The following DIAPH3 variants were observed in gnomAD, a reference collection of about 807,000 sequenced individuals.
The protein encoded by DIAPH3 is protein diaphanous homolog 3.
In DIAPH3, 117 loss-of-function variants were observed where a neutral mutation model predicts 144.3. The ratio of observed to expected loss-of-function variants is 0.81; its 90% CI spans 0.70 to 0.95. The LOEUF is 0.95. Ranked by LOEUF, DIAPH3 falls within the 40% of genes least tolerant of loss-of-function variation. The pLI, the probability that DIAPH3 is intolerant of heterozygous loss-of-function variation, is 0.00. For missense variants in DIAPH3, 1,421 were observed against 1,412.7 expected (o/e 1.01, Z -0.09); for synonymous variants, 519 against 488.9 (o/e 1.06, Z -0.81).
intron 3 of DIAPH3, among the ~76,000 whole-genome samples, chr13:60,107,851 T>C (rs1016363491): frequency 3.9e-5 from 6 of 152,196 alleles, no homozygotes; most frequent in African/African-American, 1.2e-4. Flanking sequence ...TTTGGTATCA[T>C]TGGAACTCAT....
chr13:59,896,584 G>A (rs893045127), intron 20 of DIAPH3, among the ~76,000 whole-genome samples: 1 of 151,922 alleles, frequency 6.6e-6, no homozygotes, highest in East Asian at 1.9e-4. Context: ...TTTTTGGTGG[G>A]GGAGGCGGGG....
At chr13:59,864,568 G>A (rs576891920) in intron 21 of DIAPH3, among the ~76,000 whole-genome samples, 4 of 152,104 alleles carry the variant, frequency 2.6e-5, no homozygotes, top group African/African-American at 7.2e-5. Context: ...TAGGATTAAC[G>A]TATCAAGAAA....
chr13:59,839,177 A>G (rs2042203551), intron 23 of DIAPH3, 147 bp downstream of exon 23: 2 of 815,036 alleles, frequency 2.5e-6, no homozygotes, highest in Non-Finnish European at 3.9e-6. Context: ...CACTTTGATA[A>G]ATTTCCCTGC....
chr13:60,089,397 A>G (rs947438358), intron 4 of DIAPH3, among the ~76,000 whole-genome samples: 1 of 152,222 alleles, frequency 6.6e-6, no homozygotes, highest in Admixed American at 6.5e-5. Flanking sequence ...AAGAATGAGA[A>G]CTATACTCAA....
At chr13:60,023,672 C>T (rs565088663) in intron 5 of DIAPH3, among the ~76,000 whole-genome samples, 2 of 151,920 alleles carry the variant, frequency 1.3e-5, no homozygotes, top group South Asian at 2.1e-4. Context: ...GACCTCAAGA[C>T]ACCCAACCGC....
At chr13:59,963,270 A>G (rs1231839184) in intron 17 of DIAPH3, among the ~76,000 whole-genome samples, 1 of 152,184 alleles carries the variant, frequency 6.6e-6, no homozygotes, top group African/African-American at 2.4e-5. Flanking sequence ...CTTGAGGGAC[A>G]AGAACAGCTT....
chr13:59,891,946 T>C (rs2045826216), intron 20 of DIAPH3, among the ~76,000 whole-genome samples: 1 of 152,006 alleles, frequency 6.6e-6, no homozygotes, highest in Non-Finnish European at 1.5e-5. Flanking sequence ...GTGTATCAAA[T>C]ATTTATTGAA....
intron 22 of DIAPH3, among the ~76,000 whole-genome samples, chr13:59,844,632 C>T (rs976108065): frequency 6.6e-6 from 1 of 152,044 alleles, no homozygotes; most frequent in Admixed American, 6.5e-5. Context: ...TTTTATCTTT[C>T]AATCTTCTCA....
chr13:59,775,388 G>A (rs1217999429), intron 25 of DIAPH3, among the ~76,000 whole-genome samples: 1 of 151,910 alleles, frequency 6.6e-6, no homozygotes, highest in Non-Finnish European at 1.5e-5. Flanking sequence ...GACTACAGGC[G>A]CCTGCCACCA....
intron 1 of DIAPH3, among the ~76,000 whole-genome samples, chr13:60,135,745 G>A (rs193145885): frequency 3.3e-5 from 5 of 152,260 alleles, no homozygotes; most frequent in Non-Finnish European, 5.9e-5. Context: ...GCTTGCTGAA[G>A]AATAGAGATT....
At chr13:60,156,569 A>G (rs9528063) in intron 1 of DIAPH3, among the ~76,000 whole-genome samples, 95,843 of 151,768 alleles carry the variant, frequency 0.63, 30,708 homozygotes, top group Admixed American at 0.72. Context: ...GTCAACTCCA[A>G]TCTTCCTTCA....
intron 9 of DIAPH3, among the ~76,000 whole-genome samples, chr13:60,005,674 G>A (rs2052816940): frequency 6.6e-6 from 1 of 151,894 alleles, no homozygotes; most frequent in Admixed American, 6.6e-5. Flanking sequence ...GTAGAGACGG[G>A]GTTTCACCAT....
intron 17 of DIAPH3, among the ~76,000 whole-genome samples, chr13:59,942,811 G>C (rs1389450900): frequency 1.3e-5 from 2 of 151,828 alleles, no homozygotes; most frequent in Admixed American, 6.6e-5. Flanking sequence ...CATTTTACTT[G>C]TTTCACAAAG....
At chr13:59,820,564 G>A (rs2041016140) in intron 24 of DIAPH3, among the ~76,000 whole-genome samples, 1 of 151,596 alleles carries the variant, frequency 6.6e-6, no homozygotes, top group Admixed American at 6.6e-5. Flanking sequence ...GCCCAATAAT[G>A]CAATTAACAT....
intron 24 of DIAPH3, among the ~76,000 whole-genome samples, chr13:59,814,689 T>C (rs1424865479): frequency 1.3e-5 from 2 of 152,212 alleles, no homozygotes; most frequent in Non-Finnish European, 2.9e-5. Flanking sequence ...CTATAAGACA[T>C]TGATTTTTTA....
At chr13:60,015,680 G>T (rs1347773021) in intron 7 of DIAPH3, among the ~76,000 whole-genome samples, 1 of 151,972 alleles carries the variant, frequency 6.6e-6, no homozygotes, top group Admixed American at 6.6e-5. Context: ...AGGGAGGAAA[G>T]GGTGGGGAGA....
Position 59,916,251 on chromosome 13 carries a change from T to C in DIAPH3, c.2171-2A>G. ...CCCGAAAAGAGCTCAGGAAGATTGC[T>C]AAGAAGGAGAAAGAGAGAAAGGTTT... On this transcript the variant is annotated splice_acceptor_variant, in intron 18 of 27. Transcript: ENST00000400324. LOFTEE classifies it high-confidence loss of function. The C allele has an allele frequency of 6.2e-7, 1 of 1,610,924 alleles. No individual in the cohort carries two copies. Among genetic ancestry groups the C allele is most frequent in the Non-Finnish European group, 8.5e-7 (1 of 1,177,418 alleles).
chr13:60,107,651 A>G (rs150140150), intron 3 of DIAPH3, among the ~76,000 whole-genome samples: 1 of 152,176 alleles, frequency 6.6e-6, no homozygotes, highest in Non-Finnish European at 1.5e-5. Flanking sequence ...TTAAGAGATG[A>G]CGATGGCATT....
chr13:59,956,260 C>T (rs2049394249), intron 17 of DIAPH3, among the ~76,000 whole-genome samples: 1 of 152,216 alleles, frequency 6.6e-6, no homozygotes, highest in East Asian at 1.9e-4. Context: ...GTCTTCATAG[C>T]AGCCACTCCC....
Sources: gnomAD v4.1 joint callset for allele counts (sites outside exome capture counted in the v4.1 genomes callset) on GRCh38, gnomAD v4.1.1 for gene constraint, MANE v1.5 for transcripts, NCBI Gene and HGNC (gene_info 2026-07-23, HGNC 2026-07-21) for gene names.